DOCK2: variants seen among roughly 807,000 people sequenced by gnomAD.
The protein encoded by DOCK2 is dedicator of cytokinesis protein 2.
A neutral mutation model predicts 248.9 loss-of-function variants in DOCK2; 87 were observed. The observed-to-expected ratio is 0.35, with a 90% CI of 0.29 to 0.42. The LOEUF is 0.42. Ranked by LOEUF, DOCK2 falls within the 10% of genes least tolerant of loss-of-function variation. The pLI is 1.00. For synonymous variants in DOCK2, 805 were observed against 821.6 expected (o/e 0.98, Z 0.35); for missense variants, 1,747 against 2,300.2 (o/e 0.76, Z 4.92).
intron 25 of DOCK2, among the ~76,000 whole-genome samples, chr5:169,780,086 C>T (rs1326496795): frequency 6.6e-6 from 1 of 152,176 alleles, no homozygotes; most frequent in Non-Finnish European, 1.5e-5. Flanking sequence ...TTTCCCCTTC[C>T]ACCATGGCTT....
chr5:169,811,393 C>T (rs1309318787), intron 26 of DOCK2, among the ~76,000 whole-genome samples: 1 of 152,220 alleles, frequency 6.6e-6, no homozygotes, highest in East Asian at 1.9e-4. Context: ...TTTCTTCTAA[C>T]CTATCTGCTC....
intron 22 of DOCK2, among the ~76,000 whole-genome samples, chr5:169,739,427 A>G (rs1193908199): frequency 6.6e-6 from 1 of 152,246 alleles, no homozygotes. Flanking sequence ...GGACTGTTGT[A>G]GGAAGGAGCT....
chr5:169,780,753 G>A (rs1305367408), intron 25 of DOCK2, among the ~76,000 whole-genome samples: 2 of 152,144 alleles, frequency 1.3e-5, no homozygotes, highest in Non-Finnish European at 2.9e-5. Flanking sequence ...TACACAGTAC[G>A]TCTTCACTTA....
chr5:169,710,960 G>A (rs1761548781), intron 15 of DOCK2, among the ~76,000 whole-genome samples: 2 of 152,148 alleles, frequency 1.3e-5, no homozygotes, highest in Non-Finnish European at 2.9e-5. Context: ...ACTCTGCCTT[G>A]TATCAGCATG....
intron 38 of DOCK2, among the ~76,000 whole-genome samples, chr5:170,042,700 G>A (rs1325866005): frequency 2.6e-5 from 4 of 152,182 alleles, no homozygotes; most frequent in Middle Eastern, 3.2e-3. Context: ...CACATGCTAG[G>A]GAGGCCTTCC....
intron 27 of DOCK2, chr5:169,883,272 A>G (rs1191555906): frequency 3.9e-6 from 6 of 1,551,666 alleles, no homozygotes; most frequent in Non-Finnish European, 5.2e-6. Flanking sequence ...AAGGACTGTG[A>G]TAAATATCAT....
chr5:169,723,945 G>A (rs959983064), intron 22 of DOCK2, among the ~76,000 whole-genome samples: 2 of 152,198 alleles, frequency 1.3e-5, no homozygotes, highest in African/African-American at 4.8e-5. Flanking sequence ...CACTCATTAA[G>A]TATGAAATTG....
At chr5:169,815,126 A>G (rs927711794) in intron 26 of DOCK2, among the ~76,000 whole-genome samples, 7 of 152,166 alleles carry the variant, frequency 4.6e-5, no homozygotes, top group Middle Eastern at 3.2e-3. Flanking sequence ...ATCCCTAGCC[A>G]TGTGGTAAGT....
At chr5:169,761,231 T>C in intron 24 of DOCK2, 1 of 281,874 alleles carries the variant, frequency 3.5e-6, no homozygotes, top group Admixed American at 4.9e-5. Flanking sequence ...TGTAGAGTTA[T>C]GAAGTCTACA....
intron 27 of DOCK2, among the ~76,000 whole-genome samples, chr5:169,951,033 C>T (rs1776642395): frequency 6.6e-6 from 1 of 152,240 alleles, no homozygotes; most frequent in Admixed American, 6.5e-5. Flanking sequence ...TAGCCAGCGT[C>T]ACCGGTCCTG....
chr5:170,048,848 AT>A (rs1427888266), intron 40 of DOCK2, among the ~76,000 whole-genome samples: 1 of 152,202 alleles, frequency 6.6e-6, no homozygotes, highest in Non-Finnish European at 1.5e-5. Flanking sequence ...CTGTGAGCCT[AT>A]GGTTCAACTC....
chr5:169,938,325 A>C (rs962041933), intron 27 of DOCK2, among the ~76,000 whole-genome samples: 3 of 152,094 alleles, frequency 2.0e-5, no homozygotes, highest in Non-Finnish European at 4.4e-5. Flanking sequence ...TGTTAAGAGA[A>C]ATGCATCATT....
At chr5:169,661,203 A>G (rs1049759815) in intron 2 of DOCK2, among the ~76,000 whole-genome samples, 26 of 152,306 alleles carry the variant, frequency 1.7e-4, no homozygotes, top group African/African-American at 5.5e-4. Context: ...TTTATAGATG[A>G]GGGGACTGAG....
intron 27 of DOCK2, among the ~76,000 whole-genome samples, chr5:169,901,531 G>C (rs982654041): frequency 1.3e-5 from 2 of 152,102 alleles, no homozygotes; most frequent in Non-Finnish European, 2.9e-5. Flanking sequence ...TGGACTGGAT[G>C]GGGCAAAAGT....
chr5:169,674,591 G>C, intron 6 of DOCK2, 146 bp downstream of exon 6: 9 of 1,273,980 alleles, frequency 7.1e-6, no homozygotes, highest in Non-Finnish European at 9.6e-6. Flanking sequence ...CTGTGCTTGC[G>C]TGCCGTTGTT....
chr5:170,023,305 A>G (rs1755794039), intron 33 of DOCK2, among the ~76,000 whole-genome samples: 2 of 152,216 alleles, frequency 1.3e-5, no homozygotes, highest in South Asian at 4.1e-4. Flanking sequence ...TGAATTAATT[A>G]ATAGACGGAG....
chr5:169,977,552 CAAG>C (rs1777759151), intron 27 of DOCK2, among the ~76,000 whole-genome samples: 1 of 152,164 alleles, frequency 6.6e-6, no homozygotes, highest in African/African-American at 2.4e-5. Context: ...AGCTGAGGCA[CAAG>C]ACCCTGCTCG....
At chr5:169,988,287 C>A (rs547679678) in intron 29 of DOCK2, among the ~76,000 whole-genome samples, 29 of 152,042 alleles carry the variant, frequency 1.9e-4, no homozygotes, top group Non-Finnish European at 3.2e-4. Context: ...TATTAAGTAC[C>A]GAGATCCATC....
intron 27 of DOCK2, among the ~76,000 whole-genome samples, chr5:169,970,563 C>T (rs539685365): frequency 1.2e-3 from 179 of 152,316 alleles, no homozygotes; most frequent in Middle Eastern, 3.4e-3. Context: ...CCCAACCTCT[C>T]TGGTCCATGG....
Sources: gnomAD v4.1 joint callset for allele counts (sites outside exome capture counted in the v4.1 genomes callset) on GRCh38, gnomAD v4.1.1 for gene constraint, MANE v1.5 for transcripts, NCBI Gene and HGNC (gene_info 2026-07-23, HGNC 2026-07-21) for gene names.